ZNF69: variants seen among roughly 807,000 people sequenced by gnomAD.
The protein encoded by ZNF69 is zinc finger protein 69.
In ZNF69, 47 loss-of-function variants were observed where a neutral mutation model predicts 50.9. The ratio of observed to expected loss-of-function variants is 0.92; its 90% confidence interval spans 0.73 to 1.18. The LOEUF (loss-of-function observed/expected upper bound fraction) is 1.18. Among genes scored for constraint, ZNF69 ranks in the 50% most tolerant of loss-of-function variants. The pLI is 0.00. For missense variants in ZNF69, 717 were observed against 675.1 expected (o/e 1.06, Z -0.69); for synonymous variants, 216 against 223.1 (o/e 0.97, Z 0.29).
At chr19:11,893,816 G>T (rs115530674) in intron 1 of ZNF69, among the ~76,000 whole-genome samples, 1 of 152,136 alleles carries the variant, frequency 6.6e-6, no homozygotes, top group Non-Finnish European at 1.5e-5. Flanking sequence ...AATTCTTGGG[G>T]TGCTCAACTT....
intron 1 of ZNF69, among the ~76,000 whole-genome samples, chr19:11,897,245 G>A (rs279198): frequency 0.37 from 57,015 of 152,100 alleles, 12,812 homozygotes; most frequent in African/African-American, 0.62. Context: ...TACCTGGGAG[G>A]CTGAGGCAGG....
the ZNF69 span, chr19:11,925,093 G>C: frequency 9.4e-6 from 11 of 1,174,382 alleles, no homozygotes; most frequent in African/African-American, 1.5e-4. Flanking sequence ...TCCGGAAATG[G>C]AGGGGGTCGC....
At chr19:11,966,361 G>A in the ZNF69 span, among the ~76,000 whole-genome samples, 13 of 152,080 alleles carry the variant, frequency 8.5e-5, no homozygotes, top group Admixed American at 8.5e-4. Context: ...ACTTAACTGG[G>A]AAGGTACTTT....
chr19:11,928,039 C>G, the ZNF69 span, among the ~76,000 whole-genome samples: 1 of 151,944 alleles, frequency 6.6e-6, no homozygotes, highest in African/African-American at 2.4e-5. Context: ...GCTCTGTGAC[C>G]CAGCCTAGAG....
At chr19:11,941,010 T>C in the ZNF69 span, among the ~76,000 whole-genome samples, 1 of 152,052 alleles carries the variant, frequency 6.6e-6, no homozygotes, top group South Asian at 2.1e-4. Context: ...GTATTTACAA[T>C]CCCTGAGCTA....
At chr19:11,950,134 T>C in the ZNF69 span, 3 of 1,614,134 alleles carry the variant, frequency 1.9e-6, no homozygotes, top group Non-Finnish European at 2.5e-6. Flanking sequence ...AGAGAAACAC[T>C]ATGAATGTAA....
the ZNF69 span, among the ~76,000 whole-genome samples, chr19:11,931,927 C>T: frequency 3.4e-5 from 5 of 147,692 alleles, no homozygotes; most frequent in Non-Finnish European, 7.4e-5. Context: ...ATCACCCTGA[C>T]GAGCATGGAG....
chr19:11,948,234 T>G, the ZNF69 span: 2 of 1,589,768 alleles, frequency 1.3e-6, no homozygotes, highest in Admixed American at 3.7e-5. Flanking sequence ...ATAGAAGTAC[T>G]TGTAAACAAA....
At chr19:11,957,490 TA>T in the ZNF69 span, among the ~76,000 whole-genome samples, 1 of 151,910 alleles carries the variant, frequency 6.6e-6, no homozygotes, top group African/African-American at 2.4e-5. Flanking sequence ...CAAGTAAAAA[TA>T]AAAATATTAA....
At chr19:11,947,638 T>C in the ZNF69 span, 1,782 of 1,404,088 alleles carry the variant, frequency 1.3e-3, 8 homozygotes, top group Non-Finnish European at 1.0e-3. Context: ...GAGAATATGT[T>C]GAAGAGAAGT....
the ZNF69 span, among the ~76,000 whole-genome samples, chr19:11,922,729 T>C: frequency 6.6e-6 from 1 of 152,230 alleles, no homozygotes; most frequent in Admixed American, 6.5e-5. Context: ...ATCCAGTCCA[T>C]AAGGAAATAC....
the ZNF69 span, chr19:11,965,073 T>TTGATATCC: frequency 8.8e-7 from 1 of 1,137,874 alleles, no homozygotes; most frequent in South Asian, 1.3e-5. Context: ...CAGCCGGTGG[T>TTGATATCC]TGATATCCGC....
the ZNF69 span, among the ~76,000 whole-genome samples, chr19:11,940,869 G>C: frequency 6.6e-6 from 1 of 152,112 alleles, no homozygotes; most frequent in Admixed American, 6.5e-5. Flanking sequence ...TTGACATAAA[G>C]GTTCTCCAAG....
At chr19:11,920,613 C>T in the ZNF69 span, among the ~76,000 whole-genome samples, 11 of 145,420 alleles carry the variant, frequency 7.6e-5, no homozygotes, top group African/African-American at 1.8e-4. Context: ...GGAGGCTGGG[C>T]GCGGTGGTTC....
intron 2 of ZNF69, 74 bp downstream of exon 2, chr19:11,903,773 T>A: frequency 6.2e-7 from 1 of 1,604,980 alleles, no homozygotes; most frequent in South Asian, 1.1e-5. Flanking sequence ...TGTTGAGTGA[T>A]TTAGAACATA....
chr19:11,948,816 C>T, the ZNF69 span: 2 of 1,608,430 alleles, frequency 1.2e-6, no homozygotes, highest in East Asian at 2.2e-5. Flanking sequence ...ATTCTGCTAC[C>T]CTTCAAATAC....
chr19:11,933,251 C>CA, the ZNF69 span, among the ~76,000 whole-genome samples: 8,367 of 121,126 alleles, frequency 0.069, 824 homozygotes, highest in African/African-American at 0.14. Flanking sequence ...GGCCCTGTTT[C>CA]AAAAAAAAAA....
At chr19:11,958,785 C>G in the ZNF69 span, among the ~76,000 whole-genome samples, 20 of 152,194 alleles carry the variant, frequency 1.3e-4, no homozygotes, top group Admixed American at 1.3e-3. Flanking sequence ...GGCTGCCTAC[C>G]TGAGCTGCCT....
chr19:11,922,472 T>C, the ZNF69 span, among the ~76,000 whole-genome samples: 1 of 152,214 alleles, frequency 6.6e-6, no homozygotes, highest in African/African-American at 2.4e-5. Flanking sequence ...TTCCTCAGTT[T>C]ACCACAACAA....
Sources: gnomAD v4.1 joint callset for allele counts (sites outside exome capture counted in the v4.1 genomes callset) on GRCh38, gnomAD v4.1.1 for gene constraint, MANE v1.5 for transcripts, NCBI Gene and HGNC (gene_info 2026-07-23, HGNC 2026-07-21) for gene names.